Variants in GRIK2 observed in about 807,000 individuals in gnomAD.
GRIK2 encodes glutamate receptor ionotropic, kainate 2.
In GRIK2, 32 loss-of-function variants were observed where a neutral mutation model predicts 100.3. The observed-to-expected ratio is 0.32, with a 90% confidence interval of 0.24 to 0.43. The LOEUF (loss-of-function observed/expected upper bound fraction) is 0.43. GRIK2 is among the 20% of genes least tolerant of loss of function. The pLI, the probability that GRIK2 is intolerant of heterozygous loss-of-function variation, is 1.00. For synonymous variants in GRIK2, 417 were observed against 389.4 expected (o/e 1.07, Z -0.83); for missense variants, 843 against 1,114.9 (o/e 0.76, Z 3.47).
At chr6:101,421,160 G>C (rs1582410824) in intron 2 of GRIK2, among the ~76,000 whole-genome samples, 1 of 152,180 alleles carries the variant, frequency 6.6e-6, no homozygotes. Context: ...TCTAAGGTAG[G>C]GCTTGGTCTG....
At chr6:101,664,999 G>A (rs1163287370) in intron 4 of GRIK2, among the ~76,000 whole-genome samples, 2 of 152,178 alleles carry the variant, frequency 1.3e-5, no homozygotes, top group Non-Finnish European at 2.9e-5. Flanking sequence ...GGCATGTGGA[G>A]ATCAGGAAAG....
chr6:101,405,020 T>A (rs1295911634), intron 2 of GRIK2, among the ~76,000 whole-genome samples: 1 of 152,200 alleles, frequency 6.6e-6, no homozygotes, highest in African/African-American at 2.4e-5. Context: ...CATGGGGCGA[T>A]AAAGACCATT....
At chr6:101,679,806 C>T (rs879729287) in intron 5 of GRIK2, among the ~76,000 whole-genome samples, 3 of 152,132 alleles carry the variant, frequency 2.0e-5, no homozygotes, top group Admixed American at 6.5e-5. Context: ...ATGGTGCGAT[C>T]TCGGCTCACT....
chr6:101,733,971 T>A (rs1220162380), intron 7 of GRIK2, among the ~76,000 whole-genome samples: 3 of 152,214 alleles, frequency 2.0e-5, no homozygotes, highest in African/African-American at 7.2e-5. Context: ...AACACTCATA[T>A]TTTTATGTTT....
At chr6:101,890,124 T>G in intron 12 of GRIK2, 1 of 304,086 alleles carries the variant, frequency 3.3e-6, no homozygotes, top group East Asian at 5.6e-5. Flanking sequence ...TAAAAGCTTT[T>G]TAAATCAATA....
chr6:101,879,009 T>G (rs987183072), intron 11 of GRIK2, among the ~76,000 whole-genome samples: 1 of 152,054 alleles, frequency 6.6e-6, no homozygotes, highest in Non-Finnish European at 1.5e-5. Flanking sequence ...CCATATTTTC[T>G]CACTCAAGGA....
chr6:101,563,249 G>T (rs1277784019), intron 2 of GRIK2, among the ~76,000 whole-genome samples: 1 of 152,050 alleles, frequency 6.6e-6, no homozygotes, highest in Non-Finnish European at 1.5e-5. Context: ...GTGCTTTTTG[G>T]TTCTATTAAG....
intron 2 of GRIK2, among the ~76,000 whole-genome samples, chr6:101,549,441 G>A (rs1776405115): frequency 6.6e-6 from 1 of 151,900 alleles, no homozygotes; most frequent in Admixed American, 6.6e-5. Flanking sequence ...TCTTTCTTTG[G>A]CTCTTTTAGT....
intron 7 of GRIK2, among the ~76,000 whole-genome samples, chr6:101,732,474 A>G (rs1775342036): frequency 6.6e-6 from 1 of 152,126 alleles, no homozygotes; most frequent in African/African-American, 2.4e-5. Context: ...TAGTTTTTTC[A>G]TCAAAGCAAT....
chr6:101,677,191 C>T (rs983103281), intron 5 of GRIK2, among the ~76,000 whole-genome samples: 1 of 152,032 alleles, frequency 6.6e-6, no homozygotes, highest in African/African-American at 2.4e-5. Flanking sequence ...TACCATTTAC[C>T]TGATATTTAC....
intron 2 of GRIK2, among the ~76,000 whole-genome samples, chr6:101,605,837 A>C (rs1243645843): frequency 6.6e-6 from 1 of 152,030 alleles, no homozygotes; most frequent in Non-Finnish European, 1.5e-5. Context: ...AAAGCCATAG[A>C]GAATTACTTT....
intron 12 of GRIK2, among the ~76,000 whole-genome samples, chr6:101,903,714 A>G (rs1788029942): frequency 6.6e-6 from 1 of 151,400 alleles, no homozygotes. Context: ...ACTCTGATTT[A>G]TTTTGATGTG....
chr6:101,596,802 T>C (rs1422670878), intron 2 of GRIK2, among the ~76,000 whole-genome samples: 1 of 151,774 alleles, frequency 6.6e-6, no homozygotes, highest in African/African-American at 2.4e-5. Flanking sequence ...TGGAGCAGTA[T>C]AGCCAAAGTA....
intron 2 of GRIK2, among the ~76,000 whole-genome samples, chr6:101,411,431 T>G (rs746766635): frequency 6.6e-6 from 1 of 152,112 alleles, no homozygotes; most frequent in Non-Finnish European, 1.5e-5. Context: ...TTACTAGATT[T>G]AGTTAGCATG....
At chr6:101,955,576 T>TTTCTCTCTCTCTCTCTCTCTCTC (rs1491467842) in intron 14 of GRIK2, among the ~76,000 whole-genome samples, 2 of 116,288 alleles carry the variant, frequency 1.7e-5, no homozygotes, top group African/African-American at 7.6e-5. Context: ...GAGCAAGGCC[T>TTTCTCTCTCTCTCTCTCTCTCTC]TCTCTCTCTC....
chr6:101,858,610 T>G (rs1025576577), intron 10 of GRIK2, among the ~76,000 whole-genome samples: 1 of 151,790 alleles, frequency 6.6e-6, no homozygotes, highest in Admixed American at 6.6e-5. Context: ...AGGATGGTCT[T>G]GATCTCCTGA....
In GRIK2 at chr6:101,862,453, C is replaced by T. The variant is rs994754377; in HGVS notation, c.1524+2960C>T. On this transcript the variant is annotated intron_variant, in intron 11 of 16. Coordinates refer to ENST00000369134, the MANE Select transcript of GRIK2 (RefSeq NM_021956.5). The stretch of plus-strand genomic sequence containing the variant: ...CTTATATTTATATATTTTTAAGAGA[C>T]GGAATCTTTCTGTGACTTAGACTAG... 2.2e-4 allele frequency among the ~76,000 whole-genome samples: 34 copies of T among 152,134 alleles called. No homozygotes were observed. In the South Asian group the frequency reaches 5.2e-3, roughly 23 times the overall value.
intron 15 of GRIK2, among the ~76,000 whole-genome samples, chr6:102,038,667 G>A (rs1196655649): frequency 1.3e-5 from 2 of 151,066 alleles, no homozygotes; most frequent in Non-Finnish European, 3.0e-5. Context: ...ACAAAAAAAA[G>A]GAATTCATTA....
chr6:101,474,686 G>A (rs1772135146), intron 2 of GRIK2, among the ~76,000 whole-genome samples: 1 of 150,786 alleles, frequency 6.6e-6, no homozygotes, highest in Non-Finnish European at 1.5e-5. Flanking sequence ...ATCTAAGTCA[G>A]TGAAATGAGA....
Sources: gnomAD v4.1 joint callset for allele counts (sites outside exome capture counted in the v4.1 genomes callset) on GRCh38, gnomAD v4.1.1 for gene constraint, MANE v1.5 for transcripts, NCBI Gene and HGNC (gene_info 2026-07-23, HGNC 2026-07-21) for gene names.